SORBS2: variants seen among roughly 807,000 people sequenced by gnomAD.
SORBS2 encodes sorbin and SH3 domain containing 2.
A neutral mutation model predicts 97.7 loss-of-function variants in SORBS2; 46 were observed. The ratio of observed to expected loss-of-function variants is 0.47; its 90% confidence interval spans 0.37 to 0.60. The LOEUF (loss-of-function observed/expected upper bound fraction) is 0.60. Among genes scored for constraint, SORBS2 ranks in the 20% least tolerant of loss-of-function variants. The probability of loss-of-function intolerance (pLI) is 0.00; values close to 1 mark genes in which losing one functional copy is unlikely to be tolerated. For missense variants in SORBS2, 1,316 were observed against 1,282.3 expected (o/e 1.03, Z -0.40); for synonymous variants, 476 against 473.4 (o/e 1.01, Z -0.07).
At chr4:185,775,855 C>A (rs954498154) in intron 1 of SORBS2, 7 of 152,192 alleles carry the variant, frequency 4.6e-5, no homozygotes, top group Non-Finnish European at 1.0e-4. Context: ...CAAATGATTT[C>A]TTAAAAGAGC....
upstream of SORBS2, among the ~76,000 whole-genome samples, chr4:185,661,061 G>C (rs2097509359): frequency 6.6e-6 from 1 of 152,030 alleles, no homozygotes; most frequent in Non-Finnish European, 1.5e-5. Context: ...GATCACCTGA[G>C]GTCAGGAGTT....
chr4:185,890,984 A>T (rs2099242221), intron 1 of SORBS2, among the ~76,000 whole-genome samples: 3 of 152,252 alleles, frequency 2.0e-5, no homozygotes, highest in Admixed American at 6.5e-5. Flanking sequence ...GAAATAAAAG[A>T]AAGGGAATCA....
chr4:185,756,138 A>C (rs2098829052), intron 2 of SORBS2, among the ~76,000 whole-genome samples: 1 of 152,222 alleles, frequency 6.6e-6, no homozygotes. Context: ...TTGACAGCTC[A>C]TTAGAAAGAT....
intron 2 of SORBS2, among the ~76,000 whole-genome samples, chr4:185,730,340 AT>A (rs1165425791): frequency 8.8e-5 from 12 of 136,740 alleles, no homozygotes; most frequent in Non-Finnish European, 1.7e-4. Flanking sequence ...GAAAAGAAAT[AT>A]TCCTAATAAT....
At chr4:185,854,301 C>CTAA (rs1269018890) in intron 1 of SORBS2, among the ~76,000 whole-genome samples, 2 of 151,952 alleles carry the variant, frequency 1.3e-5, no homozygotes, top group Non-Finnish European at 2.9e-5. Context: ...CCCATTTGAA[C>CTAA]TAAAATCTAA....
intron 1 of SORBS2, among the ~76,000 whole-genome samples, chr4:185,924,364 T>C (rs2099262463): frequency 6.6e-6 from 1 of 151,378 alleles, no homozygotes; most frequent in African/African-American, 2.4e-5. Flanking sequence ...TAGGAGTTAA[T>C]AAGAAATTAT....
intron 2 of SORBS2, among the ~76,000 whole-genome samples, chr4:185,742,585 C>T (rs527639407): frequency 6.6e-6 from 1 of 152,322 alleles, no homozygotes; most frequent in East Asian, 1.9e-4. Flanking sequence ...AGATATCCCC[C>T]TAAACTATAC....
At chr4:185,771,945 G>A (rs745554571) in intron 2 of SORBS2, 1 of 152,116 alleles carries the variant, frequency 6.6e-6, no homozygotes, top group Non-Finnish European at 1.5e-5. Context: ...TTCCCAATGG[G>A]TCATATTTTC....
chr4:185,832,774 C>A (rs1353190636), intron 1 of SORBS2, among the ~76,000 whole-genome samples: 1 of 152,112 alleles, frequency 6.6e-6, no homozygotes, highest in African/African-American at 2.4e-5. Context: ...TCAAAGTTCT[C>A]CTGTGGAAAA....
chr4:185,909,442 T>A (rs1460196706), intron 1 of SORBS2, among the ~76,000 whole-genome samples: 2 of 152,122 alleles, frequency 1.3e-5, no homozygotes, highest in African/African-American at 4.8e-5. Context: ...ACAATGTACA[T>A]TATCTGGGTG....
At chr4:185,653,339 TC>T (rs2097343811) in intron 1 of SORBS2, among the ~76,000 whole-genome samples, 1 of 152,234 alleles carries the variant, frequency 6.6e-6, no homozygotes, top group South Asian at 2.1e-4. Context: ...CAACATTTGC[TC>T]GGCTAAAATT....
chr4:185,853,411 T>C (rs1235276988), intron 1 of SORBS2, among the ~76,000 whole-genome samples: 6 of 152,304 alleles, frequency 3.9e-5, no homozygotes, highest in Admixed American at 2.6e-4. Flanking sequence ...TTCGTTCATA[T>C]ACAGAATTTC....
intron 1 of SORBS2, among the ~76,000 whole-genome samples, chr4:185,890,425 G>A (rs2099241886): frequency 6.6e-6 from 1 of 152,134 alleles, no homozygotes; most frequent in African/African-American, 2.4e-5. Context: ...AGACTGTGTG[G>A]CAGGCTCAGT....
At chr4:185,860,233 G>A (rs574448841) in intron 1 of SORBS2, among the ~76,000 whole-genome samples, 1 of 152,328 alleles carries the variant, frequency 6.6e-6, no homozygotes, top group South Asian at 2.1e-4. Context: ...GACTGCACCA[G>A]CTACTGGATG....
chr4:185,954,382 T>G (rs1466486098), intron 1 of SORBS2, among the ~76,000 whole-genome samples: 1 of 151,340 alleles, frequency 6.6e-6, no homozygotes, highest in Non-Finnish European at 1.5e-5. Flanking sequence ...TAATTTTGTA[T>G]TATTTTGATA....
Position 185,811,972 on chromosome 4 carries a change from AC to A in SORBS2, c.-337-36607del, listed in dbSNP as rs2099187123. The stretch of plus-strand genomic sequence containing the variant: ...TGCAGGGAAAGCTTGCCTTCCCAAG[AC>A]AAAAACCTTTGCTGCTGCCTGATAG... On this transcript the variant is annotated intron_variant, in intron 1 of 20. It removes the in-frame stop codon of an upstream open reading frame in the 5' UTR. Coordinates refer to the SORBS2 transcript ENST00000284776. The A allele has an allele frequency of 6.6e-6, 1 of 152,228 alleles. No individual in the cohort carries two copies. Among genetic ancestry groups the A allele is most frequent in the African/African-American group, 2.4e-5 (1 of 41,458 alleles). 9.4% of individuals were successfully genotyped at this position (152,228 alleles called of 1,614,324 possible).
intron 12 of SORBS2, among the ~76,000 whole-genome samples, chr4:185,603,851 C>T (rs1486256162): frequency 2.6e-5 from 4 of 152,172 alleles, no homozygotes; most frequent in Admixed American, 6.5e-5. Flanking sequence ...GAGATGGATG[C>T]TTTGTGAAGT....
At chr4:185,674,524 T>G (rs1011470023) in intron 4 of SORBS2, among the ~76,000 whole-genome samples, 1 of 152,200 alleles carries the variant, frequency 6.6e-6, no homozygotes, top group Admixed American at 6.5e-5. Flanking sequence ...GCTGCCAGAA[T>G]GATTTTGTTA....
intron 1 of SORBS2, among the ~76,000 whole-genome samples, chr4:185,783,019 CTG>C (rs2099038654): frequency 6.6e-6 from 1 of 152,168 alleles, no homozygotes; most frequent in African/African-American, 2.4e-5. Context: ...CATTAAAAAA[CTG>C]AATAAATTAA....
Sources: allele counts gnomAD v4.1 joint callset (sites outside exome capture counted in the v4.1 genomes callset), GRCh38; gene constraint gnomAD v4.1.1; transcripts MANE v1.5; gene names NCBI Gene and HGNC (gene_info 2026-07-23, HGNC 2026-07-21).